Variants in GHR observed in about 807,000 individuals in gnomAD.
GHR encodes the protein GH receptor.
Under a neutral mutation model 67.1 loss-of-function variants are expected in GHR, and 35 were observed. That is an observed-to-expected ratio of 0.52 (90% CI 0.40 to 0.69). The LOEUF is 0.69. GHR is among the 30% of genes least tolerant of loss of function. The pLI is 0.00. For synonymous variants in GHR, 272 were observed against 269.1 expected, an observed-to-expected ratio of 1.01 and a Z score of -0.10; for missense variants, 792 against 764.6, an observed-to-expected ratio of 1.04 and a Z score of -0.42.
chr5:42,627,541 A>G (rs555691600), intron 2 of GHR, among the ~76,000 whole-genome samples: 2 of 152,388 alleles, frequency 1.3e-5, no homozygotes, highest in South Asian at 2.1e-4. Context: ...TTCTGAGCCA[A>G]TATAAGTGAC....
intron 1 of GHR, chr5:42,468,763 T>C (rs1418402977): frequency 8.5e-6 from 9 of 1,063,894 alleles, no homozygotes; most frequent in Admixed American, 1.8e-5. Context: ...TTTCTTGTTC[T>C]CTCCTGCCTT....
At chr5:42,522,579 C>T (rs1451332117) in intron 1 of GHR, among the ~76,000 whole-genome samples, 3 of 152,050 alleles carry the variant, frequency 2.0e-5, no homozygotes, top group Admixed American at 1.3e-4. Flanking sequence ...AATCTTATAC[C>T]TCTGATTTTA....
At chr5:42,716,659 A>G (rs992253259) in intron 8 of GHR, among the ~76,000 whole-genome samples, 5 of 152,250 alleles carry the variant, frequency 3.3e-5, no homozygotes, top group African/African-American at 1.2e-4. Flanking sequence ...AGTAGTTATT[A>G]TTAATAATTT....
chr5:42,482,379 G>A (rs1278418066), intron 1 of GHR, among the ~76,000 whole-genome samples: 2 of 152,188 alleles, frequency 1.3e-5, no homozygotes, highest in African/African-American at 2.4e-5. Flanking sequence ...CAAGCTGCGT[G>A]CTGGGAGAAC....
intron 2 of GHR, among the ~76,000 whole-genome samples, chr5:42,567,525 A>G (rs1262143591): frequency 6.6e-6 from 1 of 152,180 alleles, no homozygotes; most frequent in Non-Finnish European, 1.5e-5. Flanking sequence ...GCAATAGTTT[A>G]TACTAAACAC....
chr5:42,575,416 T>C (rs867168927), intron 2 of GHR, among the ~76,000 whole-genome samples: 4 of 151,780 alleles, frequency 2.6e-5, no homozygotes, highest in Non-Finnish European at 5.9e-5. Context: ...TATTAGAAAA[T>C]GGTCCAGGGA....
intron 2 of GHR, among the ~76,000 whole-genome samples, chr5:42,567,187 C>T (rs1046557301): frequency 2.0e-5 from 3 of 152,074 alleles, no homozygotes; most frequent in East Asian, 1.9e-4. Context: ...CTTAATCTCT[C>T]GTTTCTTCAT....
At chr5:42,627,668 G>A (rs974261037) in intron 2 of GHR, among the ~76,000 whole-genome samples, 7 of 152,216 alleles carry the variant, frequency 4.6e-5, no homozygotes, top group Admixed American at 6.5e-5. Context: ...GAATACAGAC[G>A]GTCAGGTGCA....
chr5:42,519,846 G>A (rs1747398536), intron 1 of GHR, among the ~76,000 whole-genome samples: 1 of 152,122 alleles, frequency 6.6e-6, no homozygotes, highest in Admixed American at 6.5e-5. Context: ...TATGACACAT[G>A]TAGTAAAAAC....
At chr5:42,700,117 C>A in intron 6 of GHR, 115 bp downstream of exon 6, 1 of 700,756 alleles carries the variant, frequency 1.4e-6, no homozygotes, top group South Asian at 1.6e-5. Context: ...CTGTATGCTC[C>A]ATAATTTCTT....
chr5:42,708,327 C>CAGTT (rs1289601683), intron 6 of GHR, among the ~76,000 whole-genome samples: 1 of 152,024 alleles, frequency 6.6e-6, no homozygotes, highest in African/African-American at 2.4e-5. Flanking sequence ...AATTCAGAAG[C>CAGTT]AGTTATAAAA....
At chr5:42,429,981 C>A (rs1449167301) in intron 1 of GHR, among the ~76,000 whole-genome samples, 1 of 152,188 alleles carries the variant, frequency 6.6e-6, no homozygotes, top group Non-Finnish European at 1.5e-5. Context: ...CTTCCTTGGG[C>A]AACTGGGATT....
At position 42,548,409 on chromosome 5, in the gene GHR, T is replaced by C. The variant is rs969728989; in HGVS notation, c.-11-17455T>C. 3 of 984,898 alleles carry C rather than the reference T, an allele frequency of 3.0e-6. No homozygotes were observed. The African/African-American group carries it at 5.2e-5, about 17-fold the overall frequency. 61.0% of individuals were successfully genotyped at this position (984,898 alleles called of 1,614,324 possible). A position where few individuals can be genotyped will look rare whatever the true frequency, so the allele number is the denominator to read the frequency against. ...TCAGATTTTAACCAAATCAGTGTGA[T>C]GTGATCTGCTTGCATATATGAGTGA... is the stretch of plus-strand genomic sequence containing the variant. On this transcript the variant is annotated intron_variant, in intron 1 of 9. Coordinates refer to ENST00000230882, the MANE Select transcript of GHR (RefSeq NM_000163.5).
intron 2 of GHR, among the ~76,000 whole-genome samples, chr5:42,612,695 G>A (rs1029878461): frequency 6.6e-6 from 1 of 152,002 alleles, no homozygotes; most frequent in Non-Finnish European, 1.5e-5. Context: ...TTTTTGATAG[G>A]CTACCATCTC....
intron 4 of GHR, among the ~76,000 whole-genome samples, chr5:42,691,112 A>G (rs927623366): frequency 9.9e-5 from 15 of 151,538 alleles, no homozygotes; most frequent in Non-Finnish European, 1.0e-4. Flanking sequence ...CACTCCAGTC[A>G]TTTCAGCATC....
intron 3 of GHR, among the ~76,000 whole-genome samples, chr5:42,678,120 T>C (rs1376258753): frequency 6.6e-6 from 1 of 152,138 alleles, no homozygotes; most frequent in Admixed American, 6.6e-5. Flanking sequence ...ACCATTATTA[T>C]CCCCATTTTA....
intron 2 of GHR, among the ~76,000 whole-genome samples, chr5:42,618,121 G>A (rs926823785): frequency 7.9e-5 from 12 of 152,080 alleles, no homozygotes; most frequent in Non-Finnish European, 1.3e-4. Context: ...TAAGCATCAG[G>A]TAGCTACTTT....
At chr5:42,456,450 TATAA>T (rs1744265289) in intron 1 of GHR, among the ~76,000 whole-genome samples, 1 of 152,238 alleles carries the variant, frequency 6.6e-6, no homozygotes, top group Non-Finnish European at 1.5e-5. Flanking sequence ...AAGTTCTAAT[TATAA>T]ATCTATAGGT....
chr5:42,693,030 T>A (rs1031660988), intron 4 of GHR, among the ~76,000 whole-genome samples: 3 of 151,980 alleles, frequency 2.0e-5, no homozygotes, highest in African/African-American at 7.2e-5. Context: ...CTTCTGACTC[T>A]ACATACACAC....
Sources: allele counts gnomAD v4.1 joint callset (sites outside exome capture counted in the v4.1 genomes callset), GRCh38; gene constraint gnomAD v4.1.1; transcripts MANE v1.5; gene names NCBI Gene and HGNC (gene_info 2026-07-23, HGNC 2026-07-21).